Variants in CCN5 observed in about 807,000 individuals in gnomAD.
CCN5 encodes CCN family member 5.
Under a neutral mutation model 18.7 loss-of-function variants are expected in CCN5, and 17 were observed. That is an observed-to-expected ratio of 0.91 (90% CI 0.62 to 1.36). The LOEUF is 1.36. Among genes scored for constraint, CCN5 ranks in the 40% most tolerant of loss-of-function variants. The pLI is 0.00. For missense variants in CCN5, 367 were observed against 342.9 expected (o/e 1.07, Z -0.56); for synonymous variants, 135 against 145.2 (o/e 0.93, Z 0.50).
intron 2 of CCN5, 107 bp downstream of exon 2, chr20:44,720,220 C>T: frequency 5.9e-6 from 7 of 1,190,582 alleles, no homozygotes; most frequent in Non-Finnish European, 7.1e-6. Flanking sequence ...CTTGGGTGCT[C>T]ACTTCAGGTA....
chr20:44,724,004 G>A (rs1395258418), intron 2 of CCN5: 1 of 152,328 alleles, frequency 6.6e-6, no homozygotes, highest in Non-Finnish European at 1.5e-5. Flanking sequence ...TCCAGTGGAG[G>A]AAGTGGCAAT....
intron 2 of CCN5, among the ~76,000 whole-genome samples, chr20:44,722,499 A>C (rs1600993649): frequency 4.2e-5 from 5 of 119,984 alleles, no homozygotes; most frequent in African/African-American, 3.3e-5. Flanking sequence ...ATGGAGTCTC[A>C]CTCTTTCACC....
chr20:44,715,558 C>T (rs2065854280), intron 1 of CCN5, 108 bp downstream of exon 1: 1 of 1,226,152 alleles, frequency 8.2e-7, no homozygotes, highest in Non-Finnish European at 1.2e-6. Flanking sequence ...CTCCAGGGCC[C>T]CACATTGGGC....
intron 3 of CCN5, 86 bp from the exon 4 acceptor site, chr20:44,726,992 CATTTGACCA>C: frequency 8.2e-7 from 1 of 1,214,066 alleles, no homozygotes; most frequent in Non-Finnish European, 1.1e-6. Flanking sequence ...GAGGCTGAGC[CATTTGACCA>C]AGATTGCCGT....
At chr20:44,716,883 A>C (rs1215588310) in intron 1 of CCN5, 2 of 152,258 alleles carry the variant, frequency 1.3e-5, no homozygotes, top group Non-Finnish European at 2.9e-5. Context: ...TCTCTACTCC[A>C]GTTTACAGAG....
chr20:44,720,209 C>T, intron 2 of CCN5, 96 bp downstream of exon 2: 23 of 1,307,450 alleles, frequency 1.8e-5, no homozygotes, highest in Non-Finnish European at 2.4e-5. Context: ...CTCTCTACCT[C>T]CTTGGGTGCT....
chr20:44,727,090 C>T lies in CCN5; in HGVS notation c.536C>T (p.Pro179Leu). The T allele has an allele frequency of 1.9e-6, 3 of 1,581,584 alleles. No individual in the cohort carries two copies. Among genetic ancestry groups the T allele is most frequent in the African/African-American group, 2.7e-5 (2 of 74,346 alleles). The change falls in exon 4 of 4, where the codon CCC (proline) becomes CTC (leucine). Residue 179 changes from proline to leucine, a missense_variant. Pro to Leu is a moderately conservative substitution (Grantham distance 98, BLOSUM62 -3). Transcript: ENST00000190983. ...ACTCTTGTTCTTTCCCCCCTAGGAC[C>T]CCAGTTTTCTGGCCTTGTCTCTTCC... Reference protein sequence around the residue: ...LGTQPLPAQGPQFSGLVSSLP... With the variant: ...LGTQPLPAQGLQFSGLVSSLP...
Position 44,724,851 on chromosome 20 carries a change from G to C in CCN5, c.391G>C (p.Val131Leu). The change falls in exon 3 of 4, where the codon GTG (valine) becomes CTG (leucine). Residue 131 changes from valine (V) to leucine (L), a missense_variant. Coordinates refer to ENST00000190983, the MANE Select transcript of CCN5 (RefSeq NM_003881.4). ...CTGCGAGGACGGCGGCTTCACCTGC[G>C]TGCCGCTGTGCAGCGAGGATGTGCG... is the stretch of plus-strand genomic sequence containing the variant. ...CRCEDGGFTC[V>L]PLCSEDVRLP... 3 of 1,598,068 alleles carry C rather than the reference G, an allele frequency of 1.9e-6. No individual in the cohort carries two copies. The African/African-American group carries it at 4.0e-5, about 21-fold the overall frequency.
chr20:44,724,917 G>T lies in CCN5; in HGVS notation c.457G>T (p.Val153Phe). 1 of 1,595,438 alleles carries T rather than the reference G, an allele frequency of 6.3e-7. No individual in the cohort carries two copies. Among genetic ancestry groups the T allele is most frequent in the Admixed American group, 1.8e-5 (1 of 56,718 alleles). ...WDCPHPRRVE[V>F]LGKCCPEWVC... ...CTGCCCCCACCCCAGGAGGGTCGAGGTCCTGGGCAAGTGCTGCCCTGAGTG... is the reference window on the plus strand; with the variant it reads ...CTGCCCCCACCCCAGGAGGGTCGAGTTCCTGGGCAAGTGCTGCCCTGAGTG... Residue 153 changes from valine to phenylalanine, a missense_variant, in exon 3 of 4, where the codon GTC becomes TTC. Transcript: ENST00000190983.
chr20:44,724,909 G>A lies in CCN5; in HGVS notation c.449G>A (p.Arg150Lys), dbSNP rs1042865810. ...LPSWDCPHPR[R>K]VEVLGKCCPE... is the part of the protein sequence containing the mutation. ...AGCTGGGACTGCCCCCACCCCAGGAGGGTCGAGGTCCTGGGCAAGTGCTGC... is the reference window on the plus strand; with the variant it reads ...AGCTGGGACTGCCCCCACCCCAGGAAGGTCGAGGTCCTGGGCAAGTGCTGC... Residue 150 changes from arginine to lysine, a missense_variant, in exon 3 of 4, where the codon AGG becomes AAG. Arg to Lys is a conservative substitution (Grantham distance 26). Transcript: ENST00000190983. 5.6e-6 allele frequency: 9 copies of A among 1,594,456 alleles called. No homozygotes were observed. The highest frequency in any genetic ancestry group is 3.5e-5 in the Admixed American group (2 of 56,474).
At chr20:44,715,282 T>G, upstream of CCN5, 2 of 751,832 alleles carry the variant, frequency 2.7e-6, no homozygotes, top group Non-Finnish European at 4.3e-6. Flanking sequence ...CGCGCGCGCG[T>G]GTGTACTCGT....
chr20:44,725,502 CA>C (rs1469236871), intron 3 of CCN5, among the ~76,000 whole-genome samples: 1 of 151,844 alleles, frequency 6.6e-6, no homozygotes, highest in African/African-American at 2.4e-5. Context: ...AACCAATAAA[CA>C]AAAAGCCACT....
At chr20:44,715,601 T>C in intron 1 of CCN5, 151 bp downstream of exon 1, 1 of 861,964 alleles carries the variant, frequency 1.2e-6, no homozygotes, top group South Asian at 1.6e-5. Context: ...GCAGGGCTTC[T>C]CTCCCTGGAA....
chr20:44,722,959 C>A (rs1006320586), intron 2 of CCN5, among the ~76,000 whole-genome samples: 20 of 152,176 alleles, frequency 1.3e-4, no homozygotes, highest in Non-Finnish European at 2.6e-4. Flanking sequence ...ACACAGCAGT[C>A]AGAGAGCTCC....
chr20:44,719,538 C>G (rs1250641181), intron 1 of CCN5, among the ~76,000 whole-genome samples: 1 of 152,160 alleles, frequency 6.6e-6, no homozygotes, highest in African/African-American at 2.4e-5. Context: ...CCTGTAGTCC[C>G]AGCTACTCGG....
chr20:44,723,924 A>G (rs1241460758), intron 2 of CCN5: 2 of 152,218 alleles, frequency 1.3e-5, no homozygotes, highest in African/African-American at 4.8e-5. Flanking sequence ...TGTGTGTCGC[A>G]CCTAGGCTCT....
Position 44,724,714 on chromosome 20 carries a change from G to C in CCN5, c.278-24G>C, listed in dbSNP as rs776792074. On this transcript the variant is annotated intron_variant, in intron 2 of 3. Transcript: ENST00000190983. ...CTGTGCCGCTTTGCGGGTCACCGAT[G>C]GGGGTGCGGTTTTTCCTCCGCAGTG... is the stretch of plus-strand genomic sequence containing the variant. The C allele has an allele frequency of 6.2e-6, 10 of 1,611,676 alleles. No homozygotes were observed. In the East Asian group the frequency reaches 2.0e-4, roughly 32 times the overall value.
At position 44,725,295 on chromosome 20, in the gene CCN5, T is replaced by G. The variant is rs1038696007; in HGVS notation, c.532+303T>G. ...TCTACTAAAAATTCAAAAATTAGCCTAGCATGGTGGCGGGCATCTGTAGTC... is the reference window on the plus strand; with the variant it reads ...TCTACTAAAAATTCAAAAATTAGCCGAGCATGGTGGCGGGCATCTGTAGTC... On this transcript the variant is annotated intron_variant, in intron 3 of 3. Coordinates refer to ENST00000190983, the MANE Select transcript of CCN5 (RefSeq NM_003881.4). Among the ~76,000 whole-genome samples, 6 of 151,960 alleles carry G rather than the reference T, an allele frequency of 3.9e-5. No individual in the cohort carries two copies. The East Asian group carries it at 7.7e-4, about 20-fold the overall frequency.
In CCN5 at chr20:44,727,631, G is replaced by A; in HGVS notation, c.*324G>A. On this transcript the variant is annotated 3_prime_UTR_variant, in exon 4 of 4. Transcript: ENST00000190983. ...ATGCACACGGGCGAGCTTTCTCTCCGACTTCCCCTGGGCAAGAGATGGGAC... is the reference window on the plus strand; with the variant it reads ...ATGCACACGGGCGAGCTTTCTCTCCAACTTCCCCTGGGCAAGAGATGGGAC... 4.6e-6 allele frequency: 4 copies of A among 879,004 alleles called. No individual in the cohort carries two copies. The highest frequency in any genetic ancestry group is 4.5e-6 in the Non-Finnish European group (3 of 662,740). 54.5% of individuals were successfully genotyped at this position (879,004 alleles called of 1,614,324 possible).
Sources: allele counts gnomAD v4.1 joint callset (sites outside exome capture counted in the v4.1 genomes callset), GRCh38; gene constraint gnomAD v4.1.1; transcripts MANE v1.5; gene names NCBI Gene and HGNC (gene_info 2026-07-23, HGNC 2026-07-21).